ADARB1: variants seen among roughly 807,000 people sequenced by gnomAD.
ADARB1 encodes the protein adenosine deaminase RNA specific B1.
ADARB1 carries 10 observed loss-of-function variants against 52.4 expected under a neutral mutation model. The ratio of observed to expected loss-of-function variants is 0.19; its 90% CI spans 0.12 to 0.32. The LOEUF is 0.32. ADARB1 is among the 10% of genes least tolerant of loss of function. The probability of loss-of-function intolerance (pLI) is 1.00; values close to 1 mark genes in which losing one functional copy is unlikely to be tolerated. For synonymous variants in ADARB1, 349 were observed against 371.1 expected, an observed-to-expected ratio of 0.94 and a Z score of 0.68; for missense variants, 643 against 922.3, an observed-to-expected ratio of 0.70 and a Z score of 3.92.
In ADARB1 at chr21:45,194,430, C is replaced by T. The variant is rs115600653; in HGVS notation, c.1565+9339C>T. ...TGCCCTAAAAATCCTCTGTACTCTG[C>T]CTGTTCACCCCCTCTCACCTCCTAA... On this transcript the variant is annotated intron_variant, in intron 8 of 10. Coordinates refer to ENST00000348831, the MANE Select transcript of ADARB1 (RefSeq NM_001112.4). 5.7e-3 allele frequency among the ~76,000 whole-genome samples: 868 copies of T among 151,412 alleles called. 18 individuals are homozygous for T. Among genetic ancestry groups the T allele is most frequent in the African/African-American group, 0.02 (830 of 41,074 alleles).
At chr21:45,138,644 T>G (rs2089526203) in intron 2 of ADARB1, among the ~76,000 whole-genome samples, 1 of 152,194 alleles carries the variant, frequency 6.6e-6, no homozygotes. Flanking sequence ...GTGGCCAGCT[T>G]TAGTCACAAA....
chr21:45,110,577 C>T (rs965848647), intron 1 of ADARB1, among the ~76,000 whole-genome samples: 1 of 152,128 alleles, frequency 6.6e-6, no homozygotes, highest in Admixed American at 6.5e-5. Context: ...AAACTCCTCA[C>T]CTAGAACAGT....
intron 5 of ADARB1, 152 bp downstream of exon 5, chr21:45,180,596 C>T (rs1160467918): frequency 4.3e-6 from 3 of 696,934 alleles, no homozygotes; most frequent in Non-Finnish European, 5.0e-6. Context: ...AGTTTACGAA[C>T]TGCACTTACA....
chr21:45,223,143 A>C lies in ADARB1; in HGVS notation c.*946A>C. On this transcript the variant is annotated 3_prime_UTR_variant, in exon 11 of 11. Transcript: ENST00000348831. ...CTGTTCCTTCCTCTGAATCGAATGG[A>C]TGTGGGTGACCGCCCGAAGGCCTTC... 1 of 985,478 alleles carries C rather than the reference A, an allele frequency of 1.0e-6. No individual in the cohort carries two copies. Among genetic ancestry groups the C allele is most frequent in the Non-Finnish European group, 1.2e-6 (1 of 829,950 alleles). The allele number at this position is 985,478 out of a possible 1,614,324, so 61.0% of individuals were successfully genotyped here.
At chr21:45,134,710 A>T (rs1472292804) in intron 2 of ADARB1, 1 of 445,416 alleles carries the variant, frequency 2.2e-6, no homozygotes, top group Admixed American at 2.8e-5. Context: ...TTTTTTTTAC[A>T]CAAGATGAAA....
At chr21:45,117,907 T>C (rs1429633401) in intron 1 of ADARB1, among the ~76,000 whole-genome samples, 2 of 152,200 alleles carry the variant, frequency 1.3e-5, no homozygotes, top group African/African-American at 4.8e-5. Flanking sequence ...GTAGTCACCA[T>C]TATAGCTTTA....
intron 8 of ADARB1, among the ~76,000 whole-genome samples, chr21:45,203,709 C>G (rs1055456000): frequency 6.6e-6 from 1 of 152,232 alleles, no homozygotes. Flanking sequence ...CCCTACCTGC[C>G]TGTGCATTCA....
chr21:45,084,398 G>A (rs1338345672), intron 1 of ADARB1, among the ~76,000 whole-genome samples: 1 of 152,224 alleles, frequency 6.6e-6, no homozygotes, highest in Admixed American at 6.5e-5. Context: ...AAAGAGGTGA[G>A]GTATAGGAAG....
Position 45,221,023 on chromosome 21 carries a change from G to A in ADARB1, c.1926+9G>A. 1 of 1,599,934 alleles carries A rather than the reference G, an allele frequency of 6.3e-7. No individual in the cohort carries two copies. Among genetic ancestry groups the A allele is most frequent in the Middle Eastern group, 1.7e-4 (1 of 6,026 alleles). ...TGCGTGTGCACGGCAAGGTACTGAGGCGCCCTCACCGCAATGCGCCGGCTC... is the reference window on the plus strand; with the variant it reads ...TGCGTGTGCACGGCAAGGTACTGAGACGCCCTCACCGCAATGCGCCGGCTC... On this transcript the variant is annotated intron_variant, in intron 10 of 10. Coordinates refer to ENST00000348831, the MANE Select transcript of ADARB1 (RefSeq NM_001112.4). This position sits in a 1 kb window ranked among gnomAD's most constrained non-coding sequence, Gnocchi z 4.9.
chr21:45,075,023 C>A (rs537749833), intron 1 of ADARB1, among the ~76,000 whole-genome samples: 1 of 151,372 alleles, frequency 6.6e-6, no homozygotes, highest in Non-Finnish European at 1.5e-5. Context: ...GAAGCTGCGC[C>A]CGGGCGGCCC....
Position 45,106,903 on chromosome 21 carries a change from A to G in ADARB1, c.-219-21499A>G, listed in dbSNP as rs1471997607. Among the ~76,000 whole-genome samples, 7 of 152,306 alleles carry G rather than the reference A, an allele frequency of 4.6e-5. No homozygotes were observed. In the South Asian group the frequency reaches 1.2e-3, roughly 27 times the overall value. ...CAGATGTGCAGTTTCATTAGTCAAT[A>G]TGGAGGAATCCTGAGGTACCCACTG... On this transcript the variant is annotated intron_variant, in intron 1 of 10. Transcript: ENST00000348831.
intron 7 of ADARB1, 61 bp downstream of exon 7, chr21:45,183,571 A>G: frequency 6.4e-7 from 1 of 1,563,748 alleles, no homozygotes; most frequent in Middle Eastern, 1.7e-4. Flanking sequence ...GATAAAAACT[A>G]ACCTGTGTTA....
In ADARB1 at chr21:45,176,621, G is replaced by T. The variant is rs764537444; in HGVS notation, c.920G>T (p.Arg307Leu). 1.5e-5 allele frequency: 24 copies of T among 1,613,444 alleles called. No individual in the cohort carries two copies. The highest frequency in any genetic ancestry group is 1.9e-5 in the Non-Finnish European group (22 of 1,179,756). The part of the protein sequence containing the change: ...FNLHLDQTPS[R>L]QPIPSEGLQL... ...TTGCACTTGGATCAGACGCCATCTC[G>T]CCAGCCTATTCCCAGTGAGGGTCTT... is the stretch of plus-strand genomic sequence containing the variant. Residue 307 changes from arginine (R) to leucine (L), a missense_variant, in exon 4 of 11, where the codon CGC becomes CTC. By Grantham distance (102) the Arg-to-Leu change is moderately radical. Around this residue, in one of 2 missense-constraint regions of ADARB1, gnomAD observed 380 missense variants for 446.5 expected, o/e 0.85. Coordinates refer to ENST00000348831, the MANE Select transcript of ADARB1 (RefSeq NM_001112.4). This position sits in a 1 kb window ranked among gnomAD's most constrained non-coding sequence, Gnocchi z 5.8.
intron 1 of ADARB1, among the ~76,000 whole-genome samples, chr21:45,084,271 G>A (rs1435084262): frequency 6.6e-6 from 1 of 152,234 alleles, no homozygotes; most frequent in Non-Finnish European, 1.5e-5. Context: ...GAACCTATGT[G>A]TAGTCCTGTC....
chr21:45,193,227 G>A (rs1447987684), intron 8 of ADARB1, among the ~76,000 whole-genome samples: 2 of 152,224 alleles, frequency 1.3e-5, no homozygotes, highest in South Asian at 4.1e-4. Context: ...TCATGACCAA[G>A]TAGGGGCTAT....
chr21:45,076,222 A>G (rs1198678133), intron 1 of ADARB1, among the ~76,000 whole-genome samples: 2 of 152,218 alleles, frequency 1.3e-5, no homozygotes, highest in Non-Finnish European at 2.9e-5. Context: ...CTTGGCTGAT[A>G]CAGTTCCTTC....
chr21:45,075,576 TGGG>T lies in ADARB1; in HGVS notation c.-220+786_-220+788del, dbSNP rs2085897083. ...GCGATCGGGAGCAATCTGGGGCAGT[TGGG>T]GGCCCGAGGTGACTTTTGACGTGTT... On this transcript the variant is annotated intron_variant, in intron 1 of 10. Transcript: ENST00000348831. 3.9e-5 allele frequency among the ~76,000 whole-genome samples: 6 copies of T among 152,212 alleles called. No individual in the cohort carries two copies. The South Asian group carries it at 1.2e-3, about 32-fold the overall frequency.
At chr21:45,182,436 T>C in intron 5 of ADARB1, 149 bp from the exon 6 acceptor site, 1 of 756,548 alleles carries the variant, frequency 1.3e-6, no homozygotes, top group Non-Finnish European at 2.0e-6. Flanking sequence ...AAAAAATAGG[T>C]GGTAAGAATA....
In ADARB1 at chr21:45,225,813, C is replaced by T. The variant is rs936966801; in HGVS notation, c.*3616C>T. On this transcript the variant is annotated 3_prime_UTR_variant, in exon 11 of 11. Transcript: ENST00000348831. ...AAGATTCCTTTTTATCATCCCCACG[C>T]TGTGTAAGTGGAAAGGGCATTGTGT... is the stretch of plus-strand genomic sequence containing the variant. The T allele has an allele frequency of 7.9e-6, 3 of 377,988 alleles. No homozygotes were observed. The highest frequency in any genetic ancestry group is 3.8e-5 in the East Asian group (1 of 26,452). 23.4% of individuals were successfully genotyped at this position (377,988 alleles called of 1,614,324 possible). A position where few individuals can be genotyped will look rare whatever the true frequency, so the allele number is the denominator to read the frequency against.
Sources: gnomAD v4.1 joint callset for allele counts (sites outside exome capture counted in the v4.1 genomes callset) on GRCh38, gnomAD v4.1.1 for gene constraint, gnomAD v4.1.1 regional missense constraint, Gnocchi (gnomAD v3.1) non-coding constraint, MANE v1.5 for transcripts, NCBI Gene and HGNC (gene_info 2026-07-23, HGNC 2026-07-21) for gene names.